The following SELP variants were observed in gnomAD, a reference collection of about 807,000 sequenced individuals.
SELP encodes the protein selectin P.
A neutral mutation model predicts 104.1 loss-of-function variants in SELP; 92 were observed. The ratio of observed to expected loss-of-function variants is 0.88; its 90% confidence interval spans 0.75 to 1.05. SELP has a LOEUF of 1.05. Ranked by LOEUF, SELP falls within the 50% of genes least tolerant of loss-of-function variation. SELP has a pLI of 0.00. For missense variants in SELP, 1,022 were observed against 1,017.3 expected (o/e 1.00, Z -0.06); for synonymous variants, 397 against 364.5 (o/e 1.09, Z -1.01).
At chr1:169,629,982 C>T in intron 1 of SELP, 90 bp downstream of exon 1, 1 of 1,538,646 alleles carries the variant, frequency 6.5e-7, no homozygotes, top group Non-Finnish European at 9.0e-7. Flanking sequence ...ATCGCTGTTC[C>T]TCACTTTCTG....
At chr1:169,598,194 A>G (rs1211664532) in intron 10 of SELP, among the ~76,000 whole-genome samples, 1 of 152,208 alleles carries the variant, frequency 6.6e-6, no homozygotes, top group Non-Finnish European at 1.5e-5. Flanking sequence ...TTTTCTTAGC[A>G]TTATTCTTTT....
intron 13 of SELP, 66 bp downstream of exon 13, chr1:169,594,626 G>A: frequency 1.3e-6 from 2 of 1,500,890 alleles, no homozygotes; most frequent in Non-Finnish European, 1.8e-6. Flanking sequence ...AAAGACACAG[G>A]GAAGAAACAC....
At chr1:169,613,758 G>C in intron 3 of SELP, 65 bp from the exon 4 acceptor site, 2 of 1,365,620 alleles carry the variant, frequency 1.5e-6, no homozygotes, top group South Asian at 2.3e-5. Flanking sequence ...CTGAATTCTC[G>C]TTTTGACCAC....
At position 169,596,117 on chromosome 1, in the gene SELP, T is replaced by A. The variant is rs1661596755; in HGVS notation, c.1909A>T (p.Thr637Ser). Reference sequence around the variant, plus strand: ...AGGGCTGGACATTGCACCCCTGGAGTAGGAAGTGATGCTATGCCTGTTGTG... The same window carrying A: ...AGGGCTGGACATTGCACCCCTGGAGAAGGAAGTGATGCTATGCCTGTTGTG... ...PTCKGIASLP[T>S]PGVQCPALTT... Residue 637 changes from threonine to serine, a missense_variant, in exon 12 of 17, where the codon ACT (threonine) becomes TCT (serine). Transcript: ENST00000263686. The A allele has an allele frequency of 1.9e-6, 3 of 1,613,380 alleles. No homozygotes were observed. Among genetic ancestry groups the A allele is most frequent in the African/African-American group, 2.7e-5 (2 of 74,806 alleles).
chr1:169,609,522 G>T lies in SELP; in HGVS notation c.1315C>A (p.Pro439Thr), dbSNP rs776500198. The change falls in exon 8 of 17, where the codon CCA becomes ACA. Residue 439 changes from proline to threonine, a missense_variant. Physicochemically the swap from Pro to Thr is conservative, Grantham distance 38 (BLOSUM62 -1). Transcript: ENST00000263686. ...ACAGTACCTTGACAGACTGGGGCTG[G>T]TGCTGTCCACTGTCCCAAGTTATCA... The part of the protein sequence containing the change: ...RCDNLGQWTA[P>T]APVCQALQCQ... The T allele has an allele frequency of 9.9e-6, 16 of 1,613,646 alleles. No homozygotes were observed. The highest frequency in any genetic ancestry group is 1.4e-5 in the Non-Finnish European group (16 of 1,179,782).
chr1:169,619,962 G>T (rs920716697), intron 1 of SELP, among the ~76,000 whole-genome samples: 1 of 151,996 alleles, frequency 6.6e-6, no homozygotes, highest in Non-Finnish European at 1.5e-5. Context: ...CAGCACTTTG[G>T]GAGGCTGAGG....
chr1:169,606,787 T>C (rs537282533), intron 9 of SELP, among the ~76,000 whole-genome samples, 162 bp downstream of exon 9: 2 of 152,314 alleles, frequency 1.3e-5, no homozygotes, highest in African/African-American at 4.8e-5. Flanking sequence ...GCATTTGCAT[T>C]TGGGATCCTT....
At chr1:169,613,565 T>G in intron 4 of SELP, 21 bp downstream of exon 4, 1 of 1,587,190 alleles carries the variant, frequency 6.3e-7, no homozygotes, top group African/African-American at 1.3e-5. Flanking sequence ...CAAAATAATA[T>G]CAACAAAAAG....
At position 169,616,890 on chromosome 1, in the gene SELP, G is replaced by C. The variant is rs543334781; in HGVS notation, c.481+138C>G. ...ATTCTTCAAGGTGCTCAATAATACT[G>C]ATTGACTAACAATTTACCCCTTGAT... is the stretch of plus-strand genomic sequence containing the variant. On this transcript the variant is annotated intron_variant, in intron 3 of 16. Coordinates refer to ENST00000263686, the MANE Select transcript of SELP (RefSeq NM_003005.4). 9.0e-6 allele frequency: 8 copies of C among 892,392 alleles called. No individual in the cohort carries two copies. The African/African-American group carries it at 1.3e-4, about 15-fold the overall frequency. The allele number at this position is 892,392 out of a possible 1,614,324, so 55.3% of individuals were successfully genotyped here.
intron 10 of SELP, 28 bp from the exon 11 acceptor site, chr1:169,597,204 A>G (rs754519957): frequency 9.1e-6 from 14 of 1,533,452 alleles, no homozygotes; most frequent in South Asian, 3.7e-5. Context: ...GAGTGTCACA[A>G]TCTCCAAGTT....
chr1:169,609,821 C>T, intron 7 of SELP, 132 bp from the exon 8 acceptor site: 1 of 808,372 alleles, frequency 1.2e-6, no homozygotes, highest in Non-Finnish European at 1.9e-6. Context: ...CTCCATTTTC[C>T]AAAAGAGAGA....
At chr1:169,614,870 T>C (rs1267542153) in intron 3 of SELP, among the ~76,000 whole-genome samples, 1 of 152,202 alleles carries the variant, frequency 6.6e-6, no homozygotes, top group Non-Finnish European at 1.5e-5. Flanking sequence ...GTCCACATCC[T>C]ATTCACTTCG....
chr1:169,602,651 C>CG (rs1322343171), intron 10 of SELP, among the ~76,000 whole-genome samples: 3 of 152,096 alleles, frequency 2.0e-5, no homozygotes, highest in African/African-American at 7.2e-5. Flanking sequence ...CTCACTCTGT[C>CG]ACCAGGCTGG....
intron 14 of SELP, among the ~76,000 whole-genome samples, chr1:169,592,841 C>G (rs1205941977): frequency 6.6e-6 from 1 of 152,168 alleles, no homozygotes; most frequent in Non-Finnish European, 1.5e-5. Flanking sequence ...CCTGCCTCCT[C>G]CATAATCCCC....
In SELP at chr1:169,594,772, T is replaced by G; in HGVS notation, c.2207A>C (p.Glu736Ala). Residue 736 changes from glutamate to alanine, a missense_variant, in exon 13 of 17, where the codon GAG (glutamate) becomes GCG (alanine). Coordinates refer to ENST00000263686, the MANE Select transcript of SELP (RefSeq NM_003005.4). ...TGCAGAGCCATTAAGTAACTGGCCC[T>G]CTAGACAATGGAAAGAGCAGATTGA... Reference protein sequence around the residue: ...YGSICSFHCLEGQLLNGSAQT... With the variant: ...YGSICSFHCLAGQLLNGSAQT... 2 of 1,613,906 alleles carry G rather than the reference T, an allele frequency of 1.2e-6. No individual in the cohort carries two copies. Among genetic ancestry groups the G allele is most frequent in the Non-Finnish European group, 1.7e-6 (2 of 1,179,840 alleles).
chr1:169,590,945 AT>A (rs945285214), intron 15 of SELP, among the ~76,000 whole-genome samples: 8 of 152,264 alleles, frequency 5.3e-5, no homozygotes, highest in Admixed American at 5.2e-4. Context: ...AATATTAAGC[AT>A]TTTTTTGCAT....
chr1:169,593,778 A>G lies in SELP; in HGVS notation c.2288-54T>C, dbSNP rs568248017. 18 of 1,589,474 alleles carry G rather than the reference A, an allele frequency of 1.1e-5. No individual in the cohort carries two copies. In the African/African-American group the frequency reaches 2.3e-4, roughly 20 times the overall value. On this transcript the variant is annotated intron_variant, in intron 13 of 16. Coordinates refer to ENST00000263686, the MANE Select transcript of SELP (RefSeq NM_003005.4). ...ACATAAGAAGTGTATTATGCAAAAG[A>G]CTAGTCTTTCTCTCCCAGAAAGTTT...
In SELP at chr1:169,597,054, C is replaced by T; in HGVS notation, c.1828G>A (p.Gly610Arg). The change falls in exon 11 of 17, where the codon GGG becomes AGG. Residue 610 changes from glycine (G) to arginine (R), a missense_variant. By Grantham distance (125) the Gly-to-Arg change is moderately radical. Transcript: ENST00000263686. ...GTTGTGCATTCCACATTATTGGGCCCCTCCAGCTTAAAGCCGTTGTCACAA... is the reference window on the plus strand; with the variant it reads ...GTTGTGCATTCCACATTATTGGGCCTCTCCAGCTTAAAGCCGTTGTCACAA... Reference protein sequence around the residue: ...FSCDNGFKLEGPNNVECTTSG... With the variant: ...FSCDNGFKLERPNNVECTTSG... The T allele has an allele frequency of 2.5e-6, 4 of 1,613,388 alleles. No individual in the cohort carries two copies. The highest frequency in any genetic ancestry group is 1.1e-5 in the South Asian group (1 of 91,044).
rs1048376900 is a variant in SELP, at chr1:169,593,456, T to C, written c.2407+149A>G. 287 of 616,814 alleles carry C rather than the reference T, an allele frequency of 4.7e-4. 1 individual carries two copies. The highest frequency in any genetic ancestry group is 3.9e-4 in the Middle Eastern group (1 of 2,594). The allele number at this position is 616,814 out of a possible 1,614,324, so 38.2% of individuals were successfully genotyped here. ...ATGGACAATCAGTTCTCAAGATCAC[T>C]TATCTTGGCTTTATTTTCTTTTAAT... On this transcript the variant is annotated intron_variant, in intron 14 of 16. Coordinates refer to ENST00000263686, the MANE Select transcript of SELP (RefSeq NM_003005.4).
Sources: gnomAD v4.1 joint callset for allele counts (sites outside exome capture counted in the v4.1 genomes callset) on GRCh38, gnomAD v4.1.1 for gene constraint, MANE v1.5 for transcripts, NCBI Gene and HGNC (gene_info 2026-07-23, HGNC 2026-07-21) for gene names.